TNRC6C: variants seen among roughly 807,000 people sequenced by gnomAD.
The protein encoded by TNRC6C is trinucleotide repeat-containing gene 6C protein.
Under a neutral mutation model 153.7 loss-of-function variants are expected in TNRC6C, and 20 were observed. The ratio of observed to expected loss-of-function variants is 0.13; its 90% CI spans 0.09 to 0.19. The LOEUF (loss-of-function observed/expected upper bound fraction) is 0.19, where lower values mean the gene tolerates loss of function less well. Ranked by LOEUF, TNRC6C falls within the 10% of genes least tolerant of loss-of-function variation. The probability of loss-of-function intolerance (pLI) is 1.00; values close to 1 mark genes in which losing one functional copy is unlikely to be tolerated. For synonymous variants in TNRC6C, 811 were observed against 841.4 expected, an observed-to-expected ratio of 0.96 and a Z score of 0.63; for missense variants, 1,987 against 2,172.0, an observed-to-expected ratio of 0.91 and a Z score of 1.69.
At chr17:77,958,682 G>A (rs576540721), upstream of TNRC6C, among the ~76,000 whole-genome samples, 92 of 152,026 alleles carry the variant, frequency 6.1e-4, 5 homozygotes, top group South Asian at 0.018. Flanking sequence ...TGGCTGAAGC[G>A]GGGGGAGGGG....
chr17:78,084,728 A>G (rs1049493624), intron 11 of TNRC6C, among the ~76,000 whole-genome samples: 1 of 150,132 alleles, frequency 6.7e-6, no homozygotes, highest in Non-Finnish European at 1.5e-5. Flanking sequence ...TTGTGGGTTC[A>G]AGCAATTCTC....
In TNRC6C at chr17:77,960,971, C is replaced by T. The variant is rs143955715; in HGVS notation, c.-38+1703C>T. Among the ~76,000 whole-genome samples the T allele has an allele frequency of 8.6e-3, 1,313 of 152,102 alleles. 13 individuals carry two copies. Among genetic ancestry groups the T allele is most frequent in the South Asian group, 0.037 (179 of 4,806 alleles). Reference sequence around the variant, plus strand: ...ACATTCTTGGAAGCTGTTTTTCATACAGATTTCTCATGACCTGACCATAGG... The same window carrying T: ...ACATTCTTGGAAGCTGTTTTTCATATAGATTTCTCATGACCTGACCATAGG... On this transcript the variant is annotated intron_variant, in intron 1 of 22. Coordinates refer to the TNRC6C transcript ENST00000636222.
At chr17:78,040,644 A>G (rs1038765675) in intron 2 of TNRC6C, among the ~76,000 whole-genome samples, 1 of 152,380 alleles carries the variant, frequency 6.6e-6, no homozygotes, top group Non-Finnish European at 1.5e-5. Context: ...CCTGCAGCCA[A>G]TAGGCAAAAT....
At chr17:78,027,486 ACT>A (rs1294397802) in intron 1 of TNRC6C, among the ~76,000 whole-genome samples, 2 of 152,092 alleles carry the variant, frequency 1.3e-5, no homozygotes, top group African/African-American at 4.8e-5. Flanking sequence ...TCATATGGAA[ACT>A]CTGGCTAGAA....
At chr17:78,098,203 C>A in intron 16 of TNRC6C, 140 bp from the exon 20 acceptor site, 1 of 881,274 alleles carries the variant, frequency 1.1e-6, no homozygotes, top group Non-Finnish European at 1.7e-6. Context: ...TTGAGTTTGC[C>A]AGGGGCTTGA....
intron 1 of TNRC6C, among the ~76,000 whole-genome samples, chr17:78,029,779 T>G (rs2072024685): frequency 6.6e-6 from 1 of 151,108 alleles, no homozygotes; most frequent in Non-Finnish European, 1.5e-5. Flanking sequence ...TTAATTTTTT[T>G]TTTAACTTTT....
chr17:78,018,989 C>T (rs1256908200), intron 1 of TNRC6C, among the ~76,000 whole-genome samples: 1 of 151,900 alleles, frequency 6.6e-6, no homozygotes, highest in Non-Finnish European at 1.5e-5. Flanking sequence ...TAACAGAGCT[C>T]ATTGCTGTTT....
intron 3 of TNRC6C, among the ~76,000 whole-genome samples, chr17:78,062,599 A>G (rs965936824): frequency 1.3e-5 from 2 of 152,238 alleles, no homozygotes; most frequent in Non-Finnish European, 2.9e-5. Context: ...CAAGCTGTCA[A>G]CATATCAACA....
rs538224287 is a variant in TNRC6C, at chr17:78,103,979, C to T, written c.4712+426C>T. ...CTTCAACAAAGGAATTGGGGAAAGG[C>T]GACACAGGTCAGTTCCTCACAGGTA... is the stretch of plus-strand genomic sequence containing the variant. On this transcript the variant is annotated intron_variant, in intron 19 of 19. Transcript: ENST00000301624. Among the ~76,000 whole-genome samples, 60 of 152,266 alleles carry T rather than the reference C, an allele frequency of 3.9e-4. No homozygotes were observed. In the South Asian group the frequency reaches 4.4e-3, roughly 11 times the overall value.
chr17:78,086,663 T>A (rs2073296984), intron 12 of TNRC6C, 77 bp downstream of exon 14: 8 of 1,551,532 alleles, frequency 5.2e-6, no homozygotes, highest in Non-Finnish European at 4.4e-6. Context: ...GATGAACTAT[T>A]AGATGATCAT....
chr17:77,990,846 G>T (rs1057370240), intron 1 of TNRC6C, among the ~76,000 whole-genome samples: 3 of 152,110 alleles, frequency 2.0e-5, no homozygotes, highest in African/African-American at 7.2e-5. Flanking sequence ...ATTTCATAGG[G>T]TCAATCAGTT....
In TNRC6C at chr17:78,059,047, T is replaced by A. The variant is rs569978379; in HGVS notation, c.2396-5675T>A. On this transcript the variant is annotated intron_variant, in intron 3 of 19. Coordinates refer to ENST00000301624, the Ensembl canonical transcript of TNRC6C. ...ATGAGACGTGTATTGTTTCTATAAGTCTCATTAGCAGCAGAAGCCAGAGAG... is the reference window on the plus strand; with the variant it reads ...ATGAGACGTGTATTGTTTCTATAAGACTCATTAGCAGCAGAAGCCAGAGAG... Among the ~76,000 whole-genome samples, 25 of 152,224 alleles carry A rather than the reference T, an allele frequency of 1.6e-4. 2 individuals carry two copies. The South Asian group carries it at 5.2e-3, about 32-fold the overall frequency.
intron 1 of TNRC6C, among the ~76,000 whole-genome samples, chr17:78,015,287 G>A (rs2071706920): frequency 6.6e-6 from 1 of 152,166 alleles, no homozygotes; most frequent in Admixed American, 6.5e-5. Flanking sequence ...ATAACGTCCT[G>A]TTGACAGAGG....
chr17:77,982,445 G>C (rs555551316), intron 1 of TNRC6C, among the ~76,000 whole-genome samples: 35 of 152,186 alleles, frequency 2.3e-4, no homozygotes, highest in Non-Finnish European at 4.3e-4. Flanking sequence ...AGAATTTATA[G>C]CTACCAAGCT....
chr17:78,025,588 C>T (rs1214288457), intron 1 of TNRC6C, among the ~76,000 whole-genome samples: 1 of 152,038 alleles, frequency 6.6e-6, no homozygotes, highest in East Asian at 1.9e-4. Flanking sequence ...GTTTTCAACT[C>T]ATTTGGGTAA....
intron 3 of TNRC6C, among the ~76,000 whole-genome samples, chr17:78,053,356 G>A (rs112335364): frequency 6.6e-5 from 10 of 152,246 alleles, no homozygotes; most frequent in Admixed American, 1.3e-4. Flanking sequence ...TAGGTCGGGC[G>A]TGGTGGCTCA....
chr17:77,976,786 GGGCGTGGTGGCA>G (rs2071003587), intron 1 of TNRC6C, among the ~76,000 whole-genome samples: 1 of 151,874 alleles, frequency 6.6e-6, no homozygotes, highest in Non-Finnish European at 1.5e-5. Flanking sequence ...AAAATTATCT[GGGCGTGGTGGCA>G]GGTGCTTATA....
intron 11 of TNRC6C, among the ~76,000 whole-genome samples, chr17:78,084,830 T>C (rs1247224851): frequency 6.6e-6 from 1 of 152,068 alleles, no homozygotes; most frequent in Non-Finnish European, 1.5e-5. Context: ...GGTTTCACCA[T>C]GTTGGTCAGG....
At chr17:78,069,438 T>C (rs910623401) in intron 5 of TNRC6C, among the ~76,000 whole-genome samples, 1 of 152,172 alleles carries the variant, frequency 6.6e-6, no homozygotes, top group Non-Finnish European at 1.5e-5. Context: ...AGAGTCTTGC[T>C]GTGTCACCTT....
Sources: gnomAD v4.1 joint callset for allele counts (sites outside exome capture counted in the v4.1 genomes callset) on GRCh38, gnomAD v4.1.1 for gene constraint, MANE v1.5 for transcripts, NCBI Gene and HGNC (gene_info 2026-07-23, HGNC 2026-07-21) for gene names.